Variants in ZNF229 observed in about 807,000 individuals in gnomAD.
ZNF229 encodes the protein zinc finger protein 229.
A neutral mutation model predicts 11.8 loss-of-function variants in ZNF229; 10 were observed. The ratio of observed to expected loss-of-function variants is 0.85; its 90% CI spans 0.52 to 1.44. ZNF229 has a LOEUF of 1.44. ZNF229 is among the 40% of genes most tolerant of loss of function. The pLI is 0.00. For synonymous variants in ZNF229, 368 were observed against 374.8 expected (o/e 0.98, Z 0.21); for missense variants, 1,045 against 1,015.1 (o/e 1.03, Z -0.40).
chr19:44,438,426 T>C (rs1335443444), intron 4 of ZNF229, among the ~76,000 whole-genome samples: 1 of 152,244 alleles, frequency 6.6e-6, no homozygotes, highest in Non-Finnish European at 1.5e-5. Context: ...CAAAAATTGC[T>C]ATGATTTCTT....
intron 1 of ZNF229, among the ~76,000 whole-genome samples, chr19:44,447,920 T>C (rs1972030408): frequency 6.6e-6 from 1 of 152,112 alleles, no homozygotes; most frequent in South Asian, 2.1e-4. Context: ...CACTTACAAG[T>C]GAAATTCTGC....
chr19:44,429,772 G>A lies in ZNF229; in HGVS notation c.1009C>T (p.Arg337Cys), dbSNP rs12151338. 0.35 allele frequency: 559,272 copies of A among 1,613,798 alleles called. 101,308 individuals are homozygous for A. The highest frequency in any genetic ancestry group is 0.48 in the South Asian group (43,453 of 91,074). The change falls in exon 6 of 6, where the codon CGT (arginine) becomes TGT (cysteine). Residue 337 changes from arginine to cysteine, a missense_variant. By Grantham distance (180) the Arg-to-Cys change is radical. Transcript: ENST00000614049. ...GRGVRQNTHIRNHPRAPVGDM... is the reference protein window; with the variant it reads ...GRGVRQNTHICNHPRAPVGDM... ...CCCACAGGGGCTCTGGGGTGGTTAC[G>A]TATGTGCGTGTTCTGTCTGACGCCC...
Position 44,432,241 on chromosome 19 carries a change from C to T in ZNF229, c.219G>A (p.Val73=), listed in dbSNP as rs181091224. ...MQENFRNLLS[V]GERNPLGDKN... is the part of the protein sequence containing the mutation. ...AATTACCCAGAGGATTCCTCTCACCCACTGAGAGTAGGTTCCTGAAATTCT... is the reference window on the plus strand; with the variant it reads ...AATTACCCAGAGGATTCCTCTCACCTACTGAGAGTAGGTTCCTGAAATTCT... Residue 73 remains valine, a synonymous_variant, in exon 5 of 6, where the codon GTG becomes GTA. Transcript: ENST00000614049. The T allele has an allele frequency of 6.2e-7, 1 of 1,613,364 alleles. No homozygotes were observed. Among genetic ancestry groups the T allele is most frequent in the Non-Finnish European group, 8.5e-7 (1 of 1,179,774 alleles).
chr19:44,440,726 TC>T (rs1216899151), intron 4 of ZNF229, among the ~76,000 whole-genome samples: 71 of 136,254 alleles, frequency 5.2e-4, no homozygotes, highest in African/African-American at 1.8e-3. Context: ...AAACCAACAT[TC>T]TTTTTTTTTT....
At position 44,428,532 on chromosome 19, in the gene ZNF229, C is replaced by CTA. The variant is rs746439173; in HGVS notation, c.2247_2248dup (p.Ser750IlefsTer71). The CTA allele has an allele frequency of 5.6e-6, 9 of 1,612,168 alleles. No individual in the cohort carries two copies. In the South Asian group the frequency reaches 9.9e-5, roughly 18 times the overall value. On this transcript the variant is annotated frameshift_variant, in exon 6 of 6. Transcript: ENST00000614049. LOFTEE classifies it low-confidence loss of function (END_TRUNC). Reference sequence around the variant, plus strand: ...ATGACCTTGAAGATGTGAGCTCTGACTATAGCCCTTCCCACACACGTGGCA... The same window carrying CTA: ...ATGACCTTGAAGATGTGAGCTCTGACTATATAGCCCTTCCCACACACGTGGCA...
intron 4 of ZNF229, among the ~76,000 whole-genome samples, chr19:44,441,121 A>C (rs978583892): frequency 6.6e-6 from 1 of 152,190 alleles, no homozygotes; most frequent in Non-Finnish European, 1.5e-5. Context: ...GATGAAATTG[A>C]GGCAACCAAC....
chr19:44,442,362 A>G (rs1971927273), intron 4 of ZNF229, among the ~76,000 whole-genome samples: 1 of 152,196 alleles, frequency 6.6e-6, no homozygotes, highest in African/African-American at 2.4e-5. Flanking sequence ...CTGAGTTCAA[A>G]TCCTGGATCC....
intron 4 of ZNF229, among the ~76,000 whole-genome samples, chr19:44,438,683 C>A (rs1568406516): frequency 1.3e-5 from 2 of 152,112 alleles, no homozygotes; most frequent in African/African-American, 2.4e-5. Context: ...CCTCCCCCAA[C>A]CTCCAGTGAG....
Position 44,430,106 on chromosome 19 carries a change from T to C in ZNF229, c.675A>G (p.Ile225Met). 1 of 1,614,190 alleles carries C rather than the reference T, an allele frequency of 6.2e-7. No individual in the cohort carries two copies. ...GGAATCTGTGATCAACATGACAAGA[T>C]ATCCAGCAAAAGCTGTCATCATCCC... ...CNWDDDSFCWISCHVDHRFPE... is the reference protein window; with the variant it reads ...CNWDDDSFCWMSCHVDHRFPE... Residue 225 changes from isoleucine (I) to methionine (M), a missense_variant, in exon 6 of 6, where the codon ATA becomes ATG. Transcript: ENST00000614049.
At chr19:44,436,291 G>C (rs1036616960) in intron 4 of ZNF229, among the ~76,000 whole-genome samples, 1 of 151,934 alleles carries the variant, frequency 6.6e-6, no homozygotes, top group Non-Finnish European at 1.5e-5. Flanking sequence ...AAGCCTGGGG[G>C]TTCAAGGCTG....
At chr19:44,431,471 GAC>G in intron 5 of ZNF229, among the ~76,000 whole-genome samples, 1 of 152,234 alleles carries the variant, frequency 6.6e-6, no homozygotes, top group South Asian at 2.1e-4. Context: ...AATATTCTGG[GAC>G]AGTCTCTGCC....
chr19:44,445,964 A>G (rs920063909), intron 2 of ZNF229, among the ~76,000 whole-genome samples: 1 of 152,204 alleles, frequency 6.6e-6, no homozygotes, highest in Non-Finnish European at 1.5e-5. Context: ...GTTGGGACCC[A>G]AGAGTGAACA....
In ZNF229 at chr19:44,430,484, T is replaced by C. The variant is rs763976834; in HGVS notation, c.297A>G (p.Ser99=). 3.7e-6 allele frequency: 6 copies of C among 1,614,020 alleles called. No homozygotes were observed. In the African/African-American group the frequency reaches 8.0e-5, roughly 22 times the overall value. ...TTTTGCATGAGGAGAGCTCTTTGTG[T>C]GAAAAGAACCTTAATTCTTCATCTT... ...YIQDEELRFF[S]HKELSSCKIW... Residue 99 remains serine, a synonymous_variant, in exon 6 of 6, where the codon TCA becomes TCG. Coordinates refer to ENST00000614049, the MANE Select transcript of ZNF229 (RefSeq NM_014518.4).
rs1307567723 is a variant in ZNF229 at position 44,427,561 on chromosome 19, C to T, written c.*742G>A. On this transcript the variant is annotated 3_prime_UTR_variant, in exon 6 of 6. Transcript: ENST00000614049. Reference sequence around the variant, plus strand: ...GCATTTCAAAGACGCCACATTCTTTCAAAATTAACCTATAAATTCAATGCA... The same window carrying T: ...GCATTTCAAAGACGCCACATTCTTTTAAAATTAACCTATAAATTCAATGCA... 1 of 151,754 alleles carries T rather than the reference C, an allele frequency of 6.6e-6. No homozygotes were observed. The highest frequency in any genetic ancestry group is 1.5e-5 in the Non-Finnish European group (1 of 67,980). The allele number at this position is 151,754 out of a possible 1,614,324, so 9.4% of individuals were successfully genotyped here.
chr19:44,432,380 C>G lies in ZNF229; in HGVS notation c.94-14G>C. On this transcript the variant is annotated splice_polypyrimidine_tract_variant and intron_variant, in intron 4 of 5. Coordinates refer to ENST00000614049, the MANE Select transcript of ZNF229 (RefSeq NM_014518.4). ...GCTCAATGGCTCCTAAAATGAAAAA[C>G]CATTAACACAAACATCTACTAGATG... 1 of 1,612,118 alleles carries G rather than the reference C, an allele frequency of 6.2e-7. No individual in the cohort carries two copies. The highest frequency in any genetic ancestry group is 8.5e-7 in the Non-Finnish European group (1 of 1,179,532).
rs1411040094 is a variant in ZNF229, at chr19:44,428,989, T to A, written c.1792A>T (p.Arg598Trp). The A allele has an allele frequency of 1.2e-6, 2 of 1,613,740 alleles. No individual in the cohort carries two copies. The highest frequency in any genetic ancestry group is 2.7e-5 in the African/African-American group (2 of 74,844). ...HSHQRVHTGE[R>W]PYVCDVCGKG... is the part of the protein sequence containing the mutation. ...CCACACACGTCACACACGTAGGGCC[T>A]CTCTCCCGTGTGGACCCTCTGGTGG... The change falls in exon 6 of 6, where the codon AGG becomes TGG. Residue 598 changes from arginine (R) to tryptophan (W), a missense_variant. Transcript: ENST00000614049.
chr19:44,434,350 T>C (rs1971775887), intron 4 of ZNF229, among the ~76,000 whole-genome samples: 1 of 152,156 alleles, frequency 6.6e-6, no homozygotes, highest in Non-Finnish European at 1.5e-5. Flanking sequence ...TTCCACACTC[T>C]TTTTAAGGGA....
In ZNF229 at chr19:44,428,411, G is replaced by A. The variant is rs1262141978; in HGVS notation, c.2370C>T (p.His790=). 1.2e-6 allele frequency: 2 copies of A among 1,614,102 alleles called. No individual in the cohort carries two copies. The highest frequency in any genetic ancestry group is 2.2e-5 in the East Asian group (1 of 44,880). ...NSCLHVHQRV[H]TGEKPYTCGV... is the part of the protein sequence containing the mutation. ...CACACGTATAGGGCTTCTCTCCAGT[G>A]TGGACTCTCTGATGAACATGAAGAC... is the stretch of plus-strand genomic sequence containing the variant. Residue 790 remains histidine, a synonymous_variant, in exon 6 of 6, where the codon CAC becomes CAT. Transcript: ENST00000614049.
chr19:44,445,790 A>C (rs368322497), intron 2 of ZNF229, among the ~76,000 whole-genome samples: 3 of 152,238 alleles, frequency 2.0e-5, no homozygotes, highest in East Asian at 3.8e-4. Flanking sequence ...CCTGGCACAC[A>C]GCAGGTGCTC....
Sources: allele counts gnomAD v4.1 joint callset (sites outside exome capture counted in the v4.1 genomes callset), GRCh38; gene constraint gnomAD v4.1.1; transcripts MANE v1.5; gene names NCBI Gene and HGNC (gene_info 2026-07-23, HGNC 2026-07-21).